The following RORA variants were observed in gnomAD, a reference collection of about 807,000 sequenced individuals.
The protein encoded by RORA is nuclear receptor ROR-alpha.
A neutral mutation model predicts 69.5 loss-of-function variants in RORA; 7 were observed. That is an observed-to-expected ratio of 0.10 (90% CI 0.06 to 0.19). The LOEUF (loss-of-function observed/expected upper bound fraction) is 0.19. Among genes scored for constraint, RORA ranks in the 10% least tolerant of loss-of-function variants. The pLI, the probability that RORA is intolerant of heterozygous loss-of-function variation, is 1.00. For missense variants in RORA, 457 were observed against 663.0 expected (o/e 0.69, Z 3.41); for synonymous variants, 261 against 240.8 (o/e 1.08, Z -0.78).
intron 2 of RORA, among the ~76,000 whole-genome samples, chr15:60,612,669 T>C (rs1028490937): frequency 1.8e-5 from 2 of 112,686 alleles, no homozygotes; most frequent in African/African-American, 1.0e-4. Context: ...CTGTTTTTTT[T>C]TTTTTTTTTT....
chr15:60,966,865 C>A (rs1893567024), intron 1 of RORA, among the ~76,000 whole-genome samples: 1 of 152,218 alleles, frequency 6.6e-6, no homozygotes, highest in Non-Finnish European at 1.5e-5. Context: ...TTTTCACTGT[C>A]AAAGCCAATT....
At chr15:60,973,023 C>T (rs1893766533) in intron 1 of RORA, among the ~76,000 whole-genome samples, 3 of 149,004 alleles carry the variant, frequency 2.0e-5, no homozygotes, top group Admixed American at 1.3e-4. Context: ...CAATGAGGGG[C>T]AACTTTGCTA....
At position 61,229,183 on chromosome 15, in the gene RORA, G is replaced by C. The variant is rs1191893023; in HGVS notation, c.36C>G (p.Ala12=). 1 of 1,556,458 alleles carries C rather than the reference G, an allele frequency of 6.4e-7. No homozygotes were observed. Among genetic ancestry groups the C allele is most frequent in the Non-Finnish European group, 8.7e-7 (1 of 1,152,572 alleles). The part of the protein sequence containing the change: ...ESAPAAPDPA[A]SEPGSSGADA... ...CCGCGCCGCTGCTGCCTGGCTCGCT[G>C]GCGGCGGGGTCGGGGGCTGCCGGAG... The change falls in exon 1 of 11, where the codon GCC becomes GCG. Residue 12 remains alanine (A), a synonymous_variant. Transcript: ENST00000335670.
chr15:60,898,547 A>C (rs1337815669), intron 1 of RORA, among the ~76,000 whole-genome samples: 1 of 151,732 alleles, frequency 6.6e-6, no homozygotes, highest in African/African-American at 2.4e-5. Context: ...AAATAAATTT[A>C]AATTAGTCAG....
At chr15:60,681,293 C>A (rs901813161) in intron 1 of RORA, among the ~76,000 whole-genome samples, 1 of 152,104 alleles carries the variant, frequency 6.6e-6, no homozygotes, top group African/African-American at 2.4e-5. Context: ...ACACTCATGG[C>A]AAATCTTTAA....
At chr15:60,731,814 T>C (rs900880509) in intron 1 of RORA, among the ~76,000 whole-genome samples, 3 of 152,246 alleles carry the variant, frequency 2.0e-5, no homozygotes, top group African/African-American at 7.2e-5. Flanking sequence ...TCTCCATTAT[T>C]AGCAGCCATG....
At chr15:60,748,271 G>GA in intron 1 of RORA, among the ~76,000 whole-genome samples, 1 of 132,438 alleles carries the variant, frequency 7.6e-6, no homozygotes, top group African/African-American at 2.9e-5. Context: ...AGAAATGGAT[G>GA]AAAAAAGTAG....
At chr15:60,906,704 G>A (rs1162477179) in intron 1 of RORA, among the ~76,000 whole-genome samples, 1 of 152,186 alleles carries the variant, frequency 6.6e-6, no homozygotes, top group Non-Finnish European at 1.5e-5. Flanking sequence ...CCAGGGGCTA[G>A]CTATGCAGAA....
intron 1 of RORA, among the ~76,000 whole-genome samples, chr15:60,854,940 T>A (rs1232638503): frequency 1.3e-5 from 2 of 152,118 alleles, no homozygotes; most frequent in East Asian, 3.9e-4. Context: ...GCAATGTGGG[T>A]TTTCCTTCTA....
At position 60,492,396 on chromosome 15, in the gene RORA, G is replaced by T. The variant is rs2141224797; in HGVS notation, c.*5059C>A. On this transcript the variant is annotated 3_prime_UTR_variant, in exon 11 of 11. Coordinates refer to ENST00000335670, the MANE Select transcript of RORA (RefSeq NM_134261.3). ...GTTTTGTCTTTAAACATTAGCTCTT[G>T]TAATGCATCAGATATAAACTACACA... 1 of 152,288 alleles carries T rather than the reference G, an allele frequency of 6.6e-6. No homozygotes were observed. The highest frequency in any genetic ancestry group is 1.9e-4 in the East Asian group (1 of 5,188). The allele number at this position is 152,288 out of a possible 1,614,324, so 9.4% of individuals were successfully genotyped here.
intron 1 of RORA, among the ~76,000 whole-genome samples, chr15:61,140,884 A>C (rs910011876): frequency 1.3e-5 from 2 of 152,072 alleles, no homozygotes; most frequent in Non-Finnish European, 2.9e-5. Flanking sequence ...TACACCAAAC[A>C]CCTTCCTAAC....
intron 1 of RORA, among the ~76,000 whole-genome samples, chr15:60,768,383 G>C (rs957461972): frequency 1.3e-5 from 2 of 152,224 alleles, no homozygotes; most frequent in African/African-American, 4.8e-5. Flanking sequence ...TCCACCAAGA[G>C]CTTGTGAACG....
At chr15:60,930,681 T>C (rs746498109) in intron 1 of RORA, among the ~76,000 whole-genome samples, 3 of 152,220 alleles carry the variant, frequency 2.0e-5, no homozygotes, top group Non-Finnish European at 4.4e-5. Flanking sequence ...AATTCCTTCC[T>C]TGAAGTGTCC....
At chr15:60,558,073 A>G in intron 2 of RORA, 1 of 450,406 alleles carries the variant, frequency 2.2e-6, no homozygotes, top group African/African-American at 2.0e-5. Context: ...GAAAGAGAGA[A>G]TTAAATATGG....
chr15:61,012,001 CATGCA>C, intron 1 of RORA, among the ~76,000 whole-genome samples: 1 of 152,214 alleles, frequency 6.6e-6, no homozygotes, highest in Admixed American at 6.5e-5. Flanking sequence ...AATGCATGGG[CATGCA>C]ATACAAACAT....
chr15:61,210,411 C>T (rs767846230), intron 1 of RORA, among the ~76,000 whole-genome samples: 1 of 152,110 alleles, frequency 6.6e-6, no homozygotes, highest in African/African-American at 2.4e-5. Flanking sequence ...AAGACCTAAA[C>T]TAGATAATTT....
At chr15:60,587,130 C>T (rs1434616616) in intron 2 of RORA, among the ~76,000 whole-genome samples, 4 of 152,044 alleles carry the variant, frequency 2.6e-5, no homozygotes, top group African/African-American at 7.2e-5. Flanking sequence ...ATCATAATGG[C>T]GATTGGTTAC....
At chr15:61,138,464 C>A (rs578071233) in intron 1 of RORA, among the ~76,000 whole-genome samples, 1 of 152,114 alleles carries the variant, frequency 6.6e-6, no homozygotes, top group Non-Finnish European at 1.5e-5. Context: ...CCCAGGGTTA[C>A]GAAGACCACT....
intron 1 of RORA, among the ~76,000 whole-genome samples, chr15:61,149,213 G>A (rs2079376598): frequency 6.6e-6 from 1 of 152,172 alleles, no homozygotes; most frequent in Admixed American, 6.5e-5. Context: ...CAGACCTATT[G>A]TGATTGTTCG....
Sources: gnomAD v4.1 joint callset for allele counts (sites outside exome capture counted in the v4.1 genomes callset) on GRCh38, gnomAD v4.1.1 for gene constraint, MANE v1.5 for transcripts, NCBI Gene and HGNC (gene_info 2026-07-23, HGNC 2026-07-21) for gene names.